TACR1: variants seen among roughly 807,000 people sequenced by gnomAD.
The protein encoded by TACR1 is tachykinin receptor 1.
Under a neutral mutation model 35.8 loss-of-function variants are expected in TACR1, and 25 were observed. The ratio of observed to expected loss-of-function variants is 0.70; its 90% CI spans 0.51 to 0.98. The LOEUF is 0.98. Among genes scored for constraint, TACR1 ranks in the 50% least tolerant of loss-of-function variants. The pLI, the probability that TACR1 is intolerant of heterozygous loss-of-function variation, is 0.00. For missense variants in TACR1, 478 were observed against 522.9 expected, an observed-to-expected ratio of 0.91 and a Z score of 0.84; for synonymous variants, 195 against 206.7, an observed-to-expected ratio of 0.94 and a Z score of 0.48.
intron 1 of TACR1, among the ~76,000 whole-genome samples, chr2:75,161,675 A>G (rs1675013246): frequency 6.6e-6 from 1 of 152,132 alleles, no homozygotes; most frequent in Admixed American, 6.5e-5. Flanking sequence ...ACAACAAATC[A>G]CCTAAAATAG....
intron 1 of TACR1, among the ~76,000 whole-genome samples, chr2:75,173,323 A>G (rs1010906869): frequency 2.0e-5 from 3 of 152,248 alleles, no homozygotes; most frequent in African/African-American, 7.2e-5. Flanking sequence ...TATTGCAAGA[A>G]TAAAGCCTGA....
intron 1 of TACR1, among the ~76,000 whole-genome samples, chr2:75,148,246 T>G (rs1165170719): frequency 1.3e-5 from 2 of 152,200 alleles, no homozygotes; most frequent in Non-Finnish European, 2.9e-5. Context: ...GTAATGAGAT[T>G]GCTGGGTCAA....
At chr2:75,111,115 C>A (rs921973938) in intron 2 of TACR1, among the ~76,000 whole-genome samples, 1 of 151,902 alleles carries the variant, frequency 6.6e-6, no homozygotes, top group African/African-American at 2.4e-5. Flanking sequence ...ATATTATAAT[C>A]TTTTTCTCAG....
intron 1 of TACR1, among the ~76,000 whole-genome samples, chr2:75,155,165 T>G (rs181195762): frequency 1.2e-3 from 180 of 151,388 alleles, no homozygotes; most frequent in African/African-American, 4.2e-3. Context: ...CCCCAGCATC[T>G]TTGCCCCATC....
In TACR1 at chr2:75,138,766, A is replaced by ATCAT. The variant is rs1553379042; in HGVS notation, c.390-18002_390-17999dup. On this transcript the variant is annotated intron_variant, in intron 1 of 4. Transcript: ENST00000305249. ...GCCTGGAGACTCATCTACTCATTCA[A>ATCAT]TCATTCATTCATTCATTCATTCAAA... Among the ~76,000 whole-genome samples, 34 of 149,064 alleles carry ATCAT rather than the reference A, an allele frequency of 2.3e-4. 1 individual carries two copies. The highest frequency in any genetic ancestry group is 2.2e-3 in the East Asian group (11 of 5,032).
intron 1 of TACR1, among the ~76,000 whole-genome samples, chr2:75,159,060 T>A (rs961112900): frequency 5.4e-5 from 8 of 147,988 alleles, no homozygotes; most frequent in African/African-American, 2.0e-4. Context: ...CTTTTTTTTT[T>A]AATGTTTTAG....
intron 1 of TACR1, among the ~76,000 whole-genome samples, chr2:75,172,204 A>G (rs1675302909): frequency 6.6e-6 from 1 of 152,192 alleles, no homozygotes; most frequent in African/African-American, 2.4e-5. Context: ...GAACCAGCCA[A>G]ACTGGGTTTG....
chr2:75,156,542 G>A (rs1186046680), intron 1 of TACR1, among the ~76,000 whole-genome samples: 1 of 148,792 alleles, frequency 6.7e-6, no homozygotes, highest in Non-Finnish European at 1.5e-5. Flanking sequence ...GGCAGAGCTT[G>A]CAGTGAGTGG....
At chr2:75,171,276 G>C (rs768737919) in intron 1 of TACR1, among the ~76,000 whole-genome samples, 1 of 152,222 alleles carries the variant, frequency 6.6e-6, no homozygotes, top group Non-Finnish European at 1.5e-5. Context: ...CCCATGCCTT[G>C]GCAGCTTACA....
intron 2 of TACR1, among the ~76,000 whole-genome samples, chr2:75,112,891 T>A (rs1040370847): frequency 4.0e-4 from 61 of 152,244 alleles, no homozygotes; most frequent in Admixed American, 4.0e-3. Flanking sequence ...ATATAATTTT[T>A]ATTTTTTTGG....
chr2:75,140,521 G>A (rs1458806877), intron 1 of TACR1, among the ~76,000 whole-genome samples: 2 of 152,112 alleles, frequency 1.3e-5, no homozygotes, highest in South Asian at 2.1e-4. Context: ...CTGTCAGGGA[G>A]TTCTTGAAAA....
chr2:75,163,673 C>A (rs527514938), intron 1 of TACR1, among the ~76,000 whole-genome samples: 6 of 152,092 alleles, frequency 3.9e-5, no homozygotes, highest in Middle Eastern at 3.4e-3. Context: ...TGATATTCAA[C>A]GTTGTTTTCA....
chr2:75,094,859 A>ATATATATATATATATATTTTTTTTTTT, intron 2 of TACR1, among the ~76,000 whole-genome samples: 1 of 113,130 alleles, frequency 8.8e-6, no homozygotes, highest in African/African-American at 4.8e-5. Context: ...ATATATATAT[A>ATATATATATATATATATTTTTTTTTTT]TTTTTTTTTT....
intron 2 of TACR1, among the ~76,000 whole-genome samples, chr2:75,069,069 A>G (rs546993271): frequency 6.6e-6 from 1 of 152,202 alleles, no homozygotes; most frequent in South Asian, 2.1e-4. Context: ...GTGAAAGTGA[A>G]TAAGTCTCAC....
intron 1 of TACR1, among the ~76,000 whole-genome samples, chr2:75,135,909 C>T (rs1019572108): frequency 2.0e-5 from 3 of 152,190 alleles, no homozygotes; most frequent in Non-Finnish European, 2.9e-5. Context: ...CCTATATTCT[C>T]CCCTCTCCAT....
chr2:75,156,474 G>A (rs1046936583), intron 1 of TACR1, among the ~76,000 whole-genome samples: 1 of 151,440 alleles, frequency 6.6e-6, no homozygotes, highest in Non-Finnish European at 1.5e-5. Flanking sequence ...ATGGTGGCAG[G>A]CCCCTGTGGT....
intron 1 of TACR1, among the ~76,000 whole-genome samples, chr2:75,178,558 A>G (rs1212002630): frequency 6.6e-6 from 1 of 152,108 alleles, no homozygotes; most frequent in East Asian, 1.9e-4. Context: ...ACTCCCTTAA[A>G]TCAATGACCT....
chr2:75,141,135 C>G (rs557408214), intron 1 of TACR1, among the ~76,000 whole-genome samples: 8 of 152,010 alleles, frequency 5.3e-5, no homozygotes, highest in Non-Finnish European at 1.2e-4. Context: ...CTCTCTCTTC[C>G]TCTCTTATCT....
At chr2:75,064,558 T>C (rs1287898964) in intron 2 of TACR1, among the ~76,000 whole-genome samples, 1 of 152,112 alleles carries the variant, frequency 6.6e-6, no homozygotes, top group African/African-American at 2.4e-5. Flanking sequence ...ATATTAAGCA[T>C]GACAGAAAGA....
Sources: allele counts gnomAD v4.1 joint callset (sites outside exome capture counted in the v4.1 genomes callset), GRCh38; gene constraint gnomAD v4.1.1; transcripts MANE v1.5; gene names NCBI Gene and HGNC (gene_info 2026-07-23, HGNC 2026-07-21).